SGCD: variants seen among roughly 807,000 people sequenced by gnomAD.
The protein encoded by SGCD is delta-sarcoglycan.
SGCD carries 18 observed loss-of-function variants against 36.6 expected under a neutral mutation model. The ratio of observed to expected loss-of-function variants is 0.49; its 90% confidence interval spans 0.34 to 0.73. SGCD has a LOEUF of 0.73. Ranked by LOEUF, SGCD falls within the 30% of genes least tolerant of loss-of-function variation. The pLI is 0.01. For synonymous variants in SGCD, 133 were observed against 130.6 expected (o/e 1.02, Z -0.12); for missense variants, 387 against 346.7 (o/e 1.12, Z -0.92).
intron 1 of SGCD, among the ~76,000 whole-genome samples, chr5:155,878,275 G>C (rs1580966730): frequency 6.6e-6 from 1 of 152,092 alleles, no homozygotes; most frequent in South Asian, 2.1e-4. Context: ...TCAGTGGCTT[G>C]AATCATAGAC....
chr5:156,321,967 G>A (rs928915675), upstream of SGCD, among the ~76,000 whole-genome samples: 16 of 152,098 alleles, frequency 1.1e-4, no homozygotes, highest in Non-Finnish European at 1.9e-4. Context: ...TAAGGGTCCC[G>A]ATGAACGCCT....
At chr5:156,494,329 C>T (rs1358965940) in intron 3 of SGCD, among the ~76,000 whole-genome samples, 4 of 136,096 alleles carry the variant, frequency 2.9e-5, no homozygotes, top group Non-Finnish European at 4.8e-5. Context: ...TTTTTAATCC[C>T]CTCCTATTTT....
intron 1 of SGCD, among the ~76,000 whole-genome samples, chr5:155,999,180 A>G (rs1424112014): frequency 6.6e-6 from 1 of 152,198 alleles, no homozygotes; most frequent in Non-Finnish European, 1.5e-5. Flanking sequence ...TTCCCTTGGA[A>G]ACGTCACCCC....
Position 156,001,638 on chromosome 5 carries a change from G to A in SGCD, c.-281-116240G>A, listed in dbSNP as rs573422395. On this transcript the variant is annotated intron_variant, in intron 1 of 9. Transcript: ENST00000517913. ...AGAGATGTTACTGAACATCTAATTT[G>A]CTTGAGCTGAGTATTATTTTTCTAT... 1.8e-4 allele frequency among the ~76,000 whole-genome samples: 27 copies of A among 152,280 alleles called. No individual in the cohort carries two copies. In the South Asian group the frequency reaches 5.0e-3, roughly 28 times the overall value.
intron 4 of SGCD, among the ~76,000 whole-genome samples, chr5:156,530,244 A>G (rs2113094549): frequency 6.6e-6 from 1 of 151,680 alleles, no homozygotes; most frequent in African/African-American, 2.4e-5. Context: ...CTGTGTAGAT[A>G]GGTTTTAGCC....
intron 3 of SGCD, among the ~76,000 whole-genome samples, chr5:156,214,280 C>G (rs1764521089): frequency 1.3e-5 from 2 of 151,800 alleles, no homozygotes. Context: ...AATCAACCTA[C>G]CAAAATCAGT....
intron 3 of SGCD, among the ~76,000 whole-genome samples, chr5:156,470,775 T>C (rs954142450): frequency 6.6e-6 from 1 of 152,182 alleles, no homozygotes; most frequent in African/African-American, 2.4e-5. Flanking sequence ...TTTACTCAAA[T>C]TGTGTTCATC....
chr5:155,781,039 T>A, the SGCD span, among the ~76,000 whole-genome samples: 1 of 152,194 alleles, frequency 6.6e-6, no homozygotes, highest in African/African-American at 2.4e-5. Context: ...ATGTGTTCAG[T>A]TTCTTTCAGA....
chr5:156,119,758 G>A (rs1452684478), intron 2 of SGCD, among the ~76,000 whole-genome samples: 1 of 151,982 alleles, frequency 6.6e-6, no homozygotes, highest in Non-Finnish European at 1.5e-5. Flanking sequence ...AGTCTGTCTT[G>A]GTGCCAGGGT....
intron 3 of SGCD, among the ~76,000 whole-genome samples, chr5:156,144,175 G>C (rs1762650647): frequency 6.6e-6 from 1 of 151,970 alleles, no homozygotes; most frequent in African/African-American, 2.4e-5. Context: ...CTTTGCTATT[G>C]TGAATAGTGC....
intron 3 of SGCD, among the ~76,000 whole-genome samples, chr5:156,250,552 T>TTTG (rs1765549447): frequency 6.6e-6 from 1 of 152,138 alleles, no homozygotes; most frequent in Admixed American, 6.5e-5. Context: ...CACACTGCTC[T>TTTG]AGTCCAGTTT....
intron 3 of SGCD, among the ~76,000 whole-genome samples, chr5:156,198,106 C>T: frequency 6.6e-6 from 1 of 152,086 alleles, no homozygotes; most frequent in South Asian, 2.1e-4. Context: ...TAATGTTGAG[C>T]CATCTATCTG....
intron 3 of SGCD, among the ~76,000 whole-genome samples, chr5:156,321,157 C>A (rs920940632): frequency 6.6e-5 from 10 of 152,170 alleles, no homozygotes; most frequent in Non-Finnish European, 1.5e-5. Context: ...CAGTGGCTCA[C>A]GCCTGTAATC....
intron 4 of SGCD, among the ~76,000 whole-genome samples, chr5:156,548,590 T>C (rs1259890707): frequency 6.6e-6 from 1 of 152,180 alleles, no homozygotes; most frequent in Admixed American, 6.5e-5. Flanking sequence ...GGGCATGTGA[T>C]CTTCACCAAG....
At chr5:156,523,619 A>C (rs1757502557) in intron 4 of SGCD, among the ~76,000 whole-genome samples, 1 of 152,098 alleles carries the variant, frequency 6.6e-6, no homozygotes, top group Admixed American at 6.6e-5. Flanking sequence ...ACAATCTGAG[A>C]ATCTCACATT....
intron 3 of SGCD, among the ~76,000 whole-genome samples, chr5:156,473,354 C>A (rs1755050765): frequency 6.6e-6 from 1 of 152,196 alleles, no homozygotes. Context: ...ATTAAAAATG[C>A]ATTCAATACA....
At chr5:155,811,405 A>T in the SGCD span, among the ~76,000 whole-genome samples, 1 of 152,178 alleles carries the variant, frequency 6.6e-6, no homozygotes, top group Admixed American at 6.5e-5. Flanking sequence ...ATGAAGAGAC[A>T]TGTTTCTTAG....
At chr5:156,269,069 G>A (rs933721002) in intron 3 of SGCD, among the ~76,000 whole-genome samples, 1 of 152,110 alleles carries the variant, frequency 6.6e-6, no homozygotes, top group Non-Finnish European at 1.5e-5. Context: ...AGTTCCACAT[G>A]GCTGGGGAGG....
At chr5:156,212,325 G>A (rs553486548) in intron 3 of SGCD, among the ~76,000 whole-genome samples, 12 of 152,220 alleles carry the variant, frequency 7.9e-5, no homozygotes, top group African/African-American at 2.4e-4. Flanking sequence ...TTTGCAAATG[G>A]CAACCAAAAG....
Sources: allele counts gnomAD v4.1 joint callset (sites outside exome capture counted in the v4.1 genomes callset), GRCh38; gene constraint gnomAD v4.1.1; transcripts MANE v1.5; gene names NCBI Gene and HGNC (gene_info 2026-07-23, HGNC 2026-07-21).